Variants in PRKAR2A observed in about 807,000 individuals in gnomAD.
The protein encoded by PRKAR2A is cAMP-dependent protein kinase type II-alpha regulatory subunit.
PRKAR2A carries 29 observed loss-of-function variants against 51.9 expected under a neutral mutation model. That is an observed-to-expected ratio of 0.56 (90% confidence interval 0.42 to 0.76). The LOEUF (loss-of-function observed/expected upper bound fraction) is 0.76. PRKAR2A is among the 30% of genes least tolerant of loss of function. The pLI is 0.00. For missense variants in PRKAR2A, 445 were observed against 512.1 expected, an observed-to-expected ratio of 0.87 and a Z score of 1.26; for synonymous variants, 178 against 186.2, an observed-to-expected ratio of 0.96 and a Z score of 0.36.
intron 6 of PRKAR2A, among the ~76,000 whole-genome samples, chr3:48,771,750 T>C (rs960720351): frequency 6.6e-6 from 1 of 152,092 alleles, no homozygotes; most frequent in African/African-American, 2.4e-5. Flanking sequence ...TTTTAAGTTT[T>C]ATTTTATATT....
intron 1 of PRKAR2A, among the ~76,000 whole-genome samples, chr3:48,845,964 T>C (rs1473187808): frequency 6.6e-6 from 1 of 150,390 alleles, no homozygotes; most frequent in Non-Finnish European, 1.5e-5. Context: ...AAAAAAGGTG[T>C]GATGATCTTG....
intron 1 of PRKAR2A, among the ~76,000 whole-genome samples, chr3:48,811,006 G>A (rs1047094025): frequency 4.6e-5 from 7 of 151,834 alleles, no homozygotes; most frequent in Non-Finnish European, 7.4e-5. Flanking sequence ...GAAAGACCCC[G>A]TGTCTTTACA....
chr3:48,784,880 C>A (rs2082263130), intron 4 of PRKAR2A, among the ~76,000 whole-genome samples: 1 of 152,024 alleles, frequency 6.6e-6, no homozygotes, highest in Non-Finnish European at 1.5e-5. Flanking sequence ...AGACTACCAA[C>A]AATGTTGAAG....
At chr3:48,820,878 T>G (rs1046379972) in intron 1 of PRKAR2A, among the ~76,000 whole-genome samples, 1 of 152,000 alleles carries the variant, frequency 6.6e-6, no homozygotes, top group Non-Finnish European at 1.5e-5. Context: ...AGACCCACAT[T>G]CCCAATGTTG....
intron 1 of PRKAR2A, among the ~76,000 whole-genome samples, chr3:48,827,959 G>C (rs954659950): frequency 2.0e-5 from 3 of 151,886 alleles, no homozygotes; most frequent in African/African-American, 7.3e-5. Flanking sequence ...CCACCTCTCG[G>C]GTTCAAGTGA....
chr3:48,829,790 T>C (rs1422654488), intron 1 of PRKAR2A, among the ~76,000 whole-genome samples: 1 of 135,724 alleles, frequency 7.4e-6, no homozygotes, highest in Non-Finnish European at 1.6e-5. Flanking sequence ...GTATATAAAA[T>C]ATATGCGTAT....
intron 1 of PRKAR2A, among the ~76,000 whole-genome samples, chr3:48,825,300 C>T (rs1474482084): frequency 6.6e-6 from 1 of 151,976 alleles, no homozygotes; most frequent in Non-Finnish European, 1.5e-5. Flanking sequence ...GAGGCCACCA[C>T]ACCCGGCCTG....
intron 1 of PRKAR2A, among the ~76,000 whole-genome samples, chr3:48,835,330 T>C (rs1434171290): frequency 2.0e-5 from 3 of 151,568 alleles, no homozygotes; most frequent in Non-Finnish European, 4.4e-5. Flanking sequence ...GGCGAAACCC[T>C]ATCTCTACTG....
chr3:48,786,921 G>A (rs572394662), intron 4 of PRKAR2A, among the ~76,000 whole-genome samples: 22 of 151,976 alleles, frequency 1.4e-4, no homozygotes, highest in South Asian at 2.1e-4. Context: ...TGGTAGTCTC[G>A]CCAAAAATAT....
In PRKAR2A at chr3:48,782,986, C is replaced by T. The variant is rs2107288591; in HGVS notation, c.542G>A (p.Arg181Gln). The part of the protein sequence containing the change: ...DDGDNFYVIE[R>Q]GTYDILVTKD... ...ACAATTTCAAAGCTCCATCTCCTAC[C>T]GTTCTATGACATAAAAGTTGTCTCC... The change falls in exon 5 of 11, where the codon CGG becomes CAG. Residue 181 changes from arginine to glutamine, a missense_variant and splice_region_variant. Transcript: ENST00000265563. 1 of 1,593,246 alleles carries T rather than the reference C, an allele frequency of 6.3e-7. No homozygotes were observed.
intron 8 of PRKAR2A, among the ~76,000 whole-genome samples, chr3:48,763,672 C>A (rs943291215): frequency 6.6e-6 from 1 of 152,150 alleles, no homozygotes; most frequent in Non-Finnish European, 1.5e-5. Context: ...GGACCTTTCC[C>A]TGATCCCAAA....
intron 2 of PRKAR2A, among the ~76,000 whole-genome samples, chr3:48,801,175 G>A (rs1575900220): frequency 2.0e-5 from 3 of 151,854 alleles, no homozygotes; most frequent in Admixed American, 6.6e-5. Context: ...TTTTTGAGAC[G>A]GAATTTCGCT....
At chr3:48,812,148 T>C (rs1327561588) in intron 1 of PRKAR2A, among the ~76,000 whole-genome samples, 1 of 151,824 alleles carries the variant, frequency 6.6e-6, no homozygotes, top group Non-Finnish European at 1.5e-5. Context: ...AAAAAACTAT[T>C]GAAAGTCCTT....
In PRKAR2A at chr3:48,751,210, C is replaced by T; in HGVS notation, c.*375G>A. On this transcript the variant is annotated 3_prime_UTR_variant, in exon 11 of 11. Coordinates refer to ENST00000265563, the MANE Select transcript of PRKAR2A (RefSeq NM_004157.4). ...CAGTTATACAACAGGTTTCTGCAGA[C>T]CCTGTGGTAACTTCCAAAAGCAAGA... The T allele has an allele frequency of 4.5e-6, 2 of 441,626 alleles. No individual in the cohort carries two copies. Among genetic ancestry groups the T allele is most frequent in the South Asian group, 3.4e-5 (2 of 59,058 alleles). 27.4% of individuals were successfully genotyped at this position (441,626 alleles called of 1,614,324 possible). A position where few individuals can be genotyped will look rare whatever the true frequency, so the allele number is the denominator to read the frequency against.
At chr3:48,763,182 G>A (rs1453330103) in intron 8 of PRKAR2A, among the ~76,000 whole-genome samples, 1 of 152,104 alleles carries the variant, frequency 6.6e-6, no homozygotes, top group African/African-American at 2.4e-5. Flanking sequence ...GTCTGGTGGG[G>A]GGCTCCAGAA....
At chr3:48,836,061 T>C (rs994840448) in intron 1 of PRKAR2A, among the ~76,000 whole-genome samples, 8 of 151,914 alleles carry the variant, frequency 5.3e-5, no homozygotes, top group Admixed American at 5.3e-4. Flanking sequence ...CCAAGACAAT[T>C]AAGTGAGAAA....
Position 48,751,846 on chromosome 3 carries a change from G to A in PRKAR2A, c.1082-128C>T, listed in dbSNP as rs1258143696. On this transcript the variant is annotated intron_variant, in intron 10 of 10. Coordinates refer to ENST00000265563, the MANE Select transcript of PRKAR2A (RefSeq NM_004157.4). ...TTGGGACACCAGCCACTTGCAAAAAGGGATGTTTCTATATGAATTCAGAAG... is the reference window on the plus strand; with the variant it reads ...TTGGGACACCAGCCACTTGCAAAAAAGGATGTTTCTATATGAATTCAGAAG... The A allele has an allele frequency of 4.5e-6, 5 of 1,117,878 alleles. No homozygotes were observed. The East Asian group carries it at 1.0e-4, about 23-fold the overall frequency. The allele number at this position is 1,117,878 out of a possible 1,614,324, so 69.2% of individuals were successfully genotyped here. A position where few individuals can be genotyped will look rare whatever the true frequency, so the allele number is the denominator to read the frequency against.
intron 1 of PRKAR2A, among the ~76,000 whole-genome samples, chr3:48,839,287 T>TAA (rs749588693): frequency 8.4e-6 from 1 of 119,700 alleles, no homozygotes; most frequent in Middle Eastern, 4.4e-3. Flanking sequence ...AAATTCCGTC[T>TAA]AAAAAAAAAA....
intron 2 of PRKAR2A, 95 bp downstream of exon 2, chr3:48,807,554 G>A (rs2082692081): frequency 9.8e-7 from 1 of 1,016,448 alleles, no homozygotes; most frequent in Non-Finnish European, 1.5e-6. Context: ...GTTCTGTGAT[G>A]GGAGCTTATC....
Sources: gnomAD v4.1 joint callset for allele counts (sites outside exome capture counted in the v4.1 genomes callset) on GRCh38, gnomAD v4.1.1 for gene constraint, MANE v1.5 for transcripts, NCBI Gene and HGNC (gene_info 2026-07-23, HGNC 2026-07-21) for gene names.